The following B4GALNT3 variants were observed in gnomAD, a reference collection of about 807,000 sequenced individuals.
B4GALNT3 encodes the protein beta-1,4-N-acetyl-galactosaminyltransferase 3, also known as beta-1,4-N-acetylgalactosaminyltransferase 3.
Under a neutral mutation model 120.2 loss-of-function variants are expected in B4GALNT3, and 86 were observed. The ratio of observed to expected loss-of-function variants is 0.72; its 90% confidence interval spans 0.60 to 0.86. The LOEUF (loss-of-function observed/expected upper bound fraction) is 0.86, where lower values mean the gene tolerates loss of function less well. B4GALNT3 is among the 40% of genes least tolerant of loss of function. B4GALNT3 has a pLI of 0.00. For synonymous variants in B4GALNT3, 518 were observed against 510.4 expected, an observed-to-expected ratio of 1.01 and a Z score of -0.20; for missense variants, 1,167 against 1,298.9, an observed-to-expected ratio of 0.90 and a Z score of 1.56.
intron 1 of B4GALNT3, among the ~76,000 whole-genome samples, chr12:477,112 A>T (rs183167987): frequency 2.0e-4 from 31 of 152,316 alleles, no homozygotes; most frequent in Admixed American, 1.8e-3. Flanking sequence ...ATAGCAGTTT[A>T]TAGGACTCCT....
At chr12:521,441 G>A (rs116096180) in intron 1 of B4GALNT3, among the ~76,000 whole-genome samples, 28 of 152,170 alleles carry the variant, frequency 1.8e-4, no homozygotes, top group Non-Finnish European at 2.9e-4. Context: ...GGGCCCAGTC[G>A]TGTGGTTCTG....
chr12:559,341 T>A lies in B4GALNT3; in HGVS notation c.2808T>A (p.Ser936=). Residue 936 remains serine (S), a synonymous_variant, in exon 19 of 20, where the codon TCT becomes TCA. Transcript: ENST00000266383. ...NGFGLLGIYK[S]DLDRIGGMNT... Reference sequence around the variant, plus strand: ...TCGGGCTGCTTGGCATCTACAAGTCTGACCTGGACAGGATTGGGGGCATGA... The same window carrying A: ...TCGGGCTGCTTGGCATCTACAAGTCAGACCTGGACAGGATTGGGGGCATGA... 5 of 1,614,066 alleles carry A rather than the reference T, an allele frequency of 3.1e-6. No individual in the cohort carries two copies. Among genetic ancestry groups the A allele is most frequent in the Non-Finnish European group, 4.2e-6 (5 of 1,179,978 alleles).
intron 1 of B4GALNT3, among the ~76,000 whole-genome samples, chr12:475,197 T>A (rs533336511): frequency 6.6e-6 from 1 of 152,262 alleles, no homozygotes; most frequent in East Asian, 1.9e-4. Flanking sequence ...AGTTTGCTCG[T>A]CTCCTGTATA....
chr12:470,927 C>T (rs1275969743), intron 1 of B4GALNT3, among the ~76,000 whole-genome samples: 1 of 151,658 alleles, frequency 6.6e-6, no homozygotes, highest in Non-Finnish European at 1.5e-5. Context: ...TTAGGTTTCG[C>T]CATGTTGGTC....
intron 5 of B4GALNT3, 52 bp downstream of exon 5, chr12:545,024 C>T (rs753722815): frequency 8.8e-6 from 14 of 1,593,964 alleles, no homozygotes; most frequent in Admixed American, 1.7e-5. Flanking sequence ...AGTTCTGCAT[C>T]GGACCCAAAG....
intron 1 of B4GALNT3, among the ~76,000 whole-genome samples, chr12:513,855 T>C (rs1406869665): frequency 2.0e-5 from 3 of 152,254 alleles, no homozygotes; most frequent in Non-Finnish European, 4.4e-5. Context: ...TCCCAAAGCA[T>C]GCGGATTACA....
rs1400706302 is a variant in B4GALNT3 at position 557,505 on chromosome 12, C to T, written c.2381-103C>T. On this transcript the variant is annotated intron_variant, in intron 15 of 19. Transcript: ENST00000266383. ...TTGCACTGTCCCCTCAGCCGAGGTC[C>T]GATGGGCACTCCTGACTCACCTGGG... 3.2e-5 allele frequency: 40 copies of T among 1,232,130 alleles called. No individual in the cohort carries two copies. In the East Asian group the frequency reaches 4.8e-4, roughly 15 times the overall value. The allele number at this position is 1,232,130 out of a possible 1,614,324, so 76.3% of individuals were successfully genotyped here.
At chr12:478,351 T>C (rs1332699827) in intron 1 of B4GALNT3, among the ~76,000 whole-genome samples, 4 of 151,346 alleles carry the variant, frequency 2.6e-5, no homozygotes, top group Admixed American at 6.6e-5. Flanking sequence ...CTTTGATGCA[T>C]GAAAATTGAA....
Position 506,777 on chromosome 12 carries a change from C to CA in B4GALNT3, c.170-28388dup, listed in dbSNP as rs560364169. The stretch of plus-strand genomic sequence containing the variant: ...TCAGCCTCCCGAGTAGCTGGGACTA[C>CA]AGACACATACCACCACGCCCGGCTA... On this transcript the variant is annotated intron_variant, in intron 1 of 19. Transcript: ENST00000266383. Among the ~76,000 whole-genome samples, 339 of 152,312 alleles carry CA rather than the reference C, an allele frequency of 2.2e-3. 1 individual carries two copies. Among genetic ancestry groups the CA allele is most frequent in the African/African-American group, 7.5e-3 (312 of 41,572 alleles).
rs180984694 is a variant in B4GALNT3 at position 491,822 on chromosome 12, G to A, written c.169+31277G>A. ...TGTAATCCCAGCACTTTGGGAGGCC[G>A]AGGTGGGCAGATCACGAGGTCAGGA... On this transcript the variant is annotated intron_variant, in intron 1 of 19. Transcript: ENST00000266383. Among the ~76,000 whole-genome samples, 19 of 152,062 alleles carry A rather than the reference G, an allele frequency of 1.2e-4. No individual in the cohort carries two copies. The East Asian group carries it at 3.1e-3, about 25-fold the overall frequency.
chr12:482,320 G>A (rs1946249898), intron 1 of B4GALNT3, among the ~76,000 whole-genome samples: 1 of 152,178 alleles, frequency 6.6e-6, no homozygotes, highest in South Asian at 2.1e-4. Context: ...TGTATGCCAA[G>A]TCCAAGCTTC....
At chr12:478,654 G>A (rs1946207568) in intron 1 of B4GALNT3, among the ~76,000 whole-genome samples, 1 of 152,166 alleles carries the variant, frequency 6.6e-6, no homozygotes, top group African/African-American at 2.4e-5. Context: ...CTTAAGAAAG[G>A]GTTTTTCTAT....
At chr12:488,119 C>T (rs960724515) in intron 1 of B4GALNT3, among the ~76,000 whole-genome samples, 2 of 145,610 alleles carry the variant, frequency 1.4e-5, no homozygotes, top group Non-Finnish European at 3.0e-5. Flanking sequence ...AGAAGTGAGT[C>T]AAGTGAAATA....
rs1429014571 is a variant in B4GALNT3, at chr12:460,314, C to CCGGGGGGCGGCGGCT, written c.-55_-41dup. 2 of 975,788 alleles carry CCGGGGGGCGGCGGCT rather than the reference C, an allele frequency of 2.0e-6. No individual in the cohort carries two copies. The highest frequency in any genetic ancestry group is 3.5e-5 in the African/African-American group (2 of 56,580). The allele number at this position is 975,788 out of a possible 1,614,324, so 60.4% of individuals were successfully genotyped here. Reference sequence around the variant, plus strand: ...GGGGCGCCCTGGGCGCGGGGCCCGGCCGGGGGGCGGCGGCTCGGGGGGTTG... The same window carrying CCGGGGGGCGGCGGCT: ...GGGGCGCCCTGGGCGCGGGGCCCGGCCGGGGGGCGGCGGCTCGGGGGGCGGCGGCTCGGGGGGTTG... On this transcript the variant is annotated 5_prime_UTR_variant, in exon 1 of 20. Coordinates refer to ENST00000266383, the MANE Select transcript of B4GALNT3 (RefSeq NM_173593.4). The surrounding 1 kb of genome is among the most constrained non-coding windows in gnomAD (Gnocchi z 8.0).
intron 14 of B4GALNT3, among the ~76,000 whole-genome samples, 197 bp from the exon 15 acceptor site, chr12:556,350 A>G (rs1432619421): frequency 6.6e-6 from 1 of 151,002 alleles, no homozygotes; most frequent in Non-Finnish European, 1.5e-5. Flanking sequence ...ACAGCTCAAC[A>G]GGTACATTTT....
chr12:467,550 G>A (rs759362301), intron 1 of B4GALNT3, among the ~76,000 whole-genome samples: 1 of 152,130 alleles, frequency 6.6e-6, no homozygotes, highest in Non-Finnish European at 1.5e-5. Context: ...CAGCAAGACT[G>A]TGTCTTAAAT....
intron 4 of B4GALNT3, 58 bp from the exon 5 acceptor site, chr12:544,824 C>A (rs1007088413): frequency 1.2e-5 from 19 of 1,551,282 alleles, no homozygotes; most frequent in East Asian, 2.2e-5. Flanking sequence ...CCAATCCTGG[C>A]GGGAAGTTTC....
At chr12:559,252 T>C (rs750562852) in intron 18 of B4GALNT3, 43 bp from the exon 19 acceptor site, 42 of 1,612,260 alleles carry the variant, frequency 2.6e-5, no homozygotes, top group Non-Finnish European at 3.4e-5. Context: ...TTCCTCCTCC[T>C]GGCCTCTGGC....
rs12312815 is a variant in B4GALNT3, at chr12:463,326, A to G, written c.169+2781A>G. On this transcript the variant is annotated intron_variant, in intron 1 of 19. Coordinates refer to ENST00000266383, the MANE Select transcript of B4GALNT3 (RefSeq NM_173593.4). ...AATAACCCAGTAGTTTAAGATGTGG[A>G]TGATGTGCAATTTGGTTCCATATGC... Among the ~76,000 whole-genome samples, 380 of 152,356 alleles carry G rather than the reference A, an allele frequency of 2.5e-3. 2 individuals are homozygous for G. The highest frequency in any genetic ancestry group is 8.8e-3 in the African/African-American group (364 of 41,584).
Sources: gnomAD v4.1 joint callset for allele counts (sites outside exome capture counted in the v4.1 genomes callset) on GRCh38, gnomAD v4.1.1 for gene constraint, Gnocchi (gnomAD v3.1) non-coding constraint, MANE v1.5 for transcripts, NCBI Gene and HGNC (gene_info 2026-07-23, HGNC 2026-07-21) for gene names.